ARB2A: variants seen among roughly 807,000 people sequenced by gnomAD.
The protein encoded by ARB2A is ARB2 cotranscriptional regulator A.
the ARB2A span, among the ~76,000 whole-genome samples, chr5:94,053,458 T>G: frequency 3.9e-5 from 6 of 152,160 alleles, no homozygotes; most frequent in Admixed American, 3.9e-4. Context: ...TCAGATTCTA[T>G]ACACCATTAT....
At chr5:93,811,296 C>G in the ARB2A span, among the ~76,000 whole-genome samples, 1 of 152,116 alleles carries the variant, frequency 6.6e-6, no homozygotes. Context: ...ATTTCCAGAG[C>G]ACCACATCAA....
At chr5:93,826,014 G>A in the ARB2A span, among the ~76,000 whole-genome samples, 1 of 151,704 alleles carries the variant, frequency 6.6e-6, no homozygotes, top group South Asian at 2.1e-4. Flanking sequence ...ATAAACCTAG[G>A]CCTTTTACAT....
the ARB2A span, among the ~76,000 whole-genome samples, chr5:94,009,725 T>C: frequency 6.6e-6 from 1 of 151,958 alleles, no homozygotes; most frequent in Non-Finnish European, 1.5e-5. Flanking sequence ...TATAACGTTA[T>C]TTGGGTTATC....
the ARB2A span, among the ~76,000 whole-genome samples, chr5:93,907,015 T>C: frequency 6.6e-6 from 1 of 151,490 alleles, no homozygotes; most frequent in Non-Finnish European, 1.5e-5. Context: ...GTATTTTATA[T>C]AGATATATGA....
chr5:93,898,085 C>A, the ARB2A span, among the ~76,000 whole-genome samples: 1 of 151,990 alleles, frequency 6.6e-6, no homozygotes, highest in African/African-American at 2.4e-5. Flanking sequence ...AAGATGAACA[C>A]CCATCTCCTA....
chr5:93,661,602 A>G, the ARB2A span, among the ~76,000 whole-genome samples: 5 of 152,070 alleles, frequency 3.3e-5, no homozygotes, highest in African/African-American at 1.2e-4. Context: ...GGAAGAAGAA[A>G]AATTGTCTTG....
At chr5:93,902,051 A>G in the ARB2A span, among the ~76,000 whole-genome samples, 1 of 152,158 alleles carries the variant, frequency 6.6e-6, no homozygotes, top group Non-Finnish European at 1.5e-5. Context: ...GGCAATCTGC[A>G]GAACTTCAAG....
the ARB2A span, among the ~76,000 whole-genome samples, chr5:93,638,278 T>C: frequency 6.6e-6 from 1 of 152,146 alleles, no homozygotes. Context: ...AAACTTACAG[T>C]TGATGTTAGA....
chr5:93,949,709 C>T, the ARB2A span, among the ~76,000 whole-genome samples: 1 of 152,032 alleles, frequency 6.6e-6, no homozygotes, highest in Admixed American at 6.5e-5. Flanking sequence ...ACTGCAATCA[C>T]TCTACTGTGC....
the ARB2A span, among the ~76,000 whole-genome samples, chr5:93,960,683 G>A: frequency 5.3e-5 from 8 of 152,194 alleles, no homozygotes; most frequent in South Asian, 1.7e-3. Flanking sequence ...CTCTAAAATG[G>A]TTATAATACT....
chr5:93,631,326 A>G, the ARB2A span, among the ~76,000 whole-genome samples: 1 of 152,194 alleles, frequency 6.6e-6, no homozygotes, highest in Non-Finnish European at 1.5e-5. Flanking sequence ...CCTATAAAAT[A>G]TAGACAGCTG....
the ARB2A span, among the ~76,000 whole-genome samples, chr5:93,925,179 A>G: frequency 1.1e-3 from 164 of 152,328 alleles, no homozygotes; most frequent in Non-Finnish European, 1.9e-3. Context: ...ATTGGTTATA[A>G]GAATGATGAC....
At chr5:93,629,420 G>T in the ARB2A span, among the ~76,000 whole-genome samples, 2 of 152,050 alleles carry the variant, frequency 1.3e-5, no homozygotes, top group African/African-American at 2.4e-5. Flanking sequence ...TGAAAGGGCG[G>T]TAACAGGCTT....
chr5:93,979,422 A>T, the ARB2A span, among the ~76,000 whole-genome samples: 1 of 152,112 alleles, frequency 6.6e-6, no homozygotes, highest in Admixed American at 6.6e-5. Flanking sequence ...GGCAGGTGAA[A>T]CCTATATATT....
At chr5:93,958,467 T>C in the ARB2A span, among the ~76,000 whole-genome samples, 16 of 152,068 alleles carry the variant, frequency 1.1e-4, no homozygotes, top group Non-Finnish European at 2.2e-4. Flanking sequence ...AGTTTGATAA[T>C]TGATATTTCA....
chr5:93,632,292 G>A, the ARB2A span, among the ~76,000 whole-genome samples: 1 of 152,212 alleles, frequency 6.6e-6, no homozygotes, highest in South Asian at 2.1e-4. Context: ...TTTGACTTGA[G>A]ACCTGAGTGG....
the ARB2A span, among the ~76,000 whole-genome samples, chr5:94,097,691 G>A: frequency 1.3e-5 from 2 of 151,850 alleles, no homozygotes; most frequent in Non-Finnish European, 2.9e-5. Context: ...TTAGTAAATT[G>A]CCCAGTCTCA....
the ARB2A span, among the ~76,000 whole-genome samples, chr5:93,634,750 A>G: frequency 3.9e-5 from 6 of 152,226 alleles, no homozygotes; most frequent in East Asian, 1.9e-4. Flanking sequence ...TATCAAATAT[A>G]AAACTGAGAC....
chr5:94,030,079 A>G, the ARB2A span, among the ~76,000 whole-genome samples: 5 of 152,194 alleles, frequency 3.3e-5, no homozygotes, highest in Non-Finnish European at 5.9e-5. Context: ...ACTTGCCCTC[A>G]TGATTCATTT....
Sources: allele counts gnomAD v4.1 joint callset (sites outside exome capture counted in the v4.1 genomes callset), GRCh38; gene constraint gnomAD v4.1.1; transcripts MANE v1.5; gene names NCBI Gene and HGNC (gene_info 2026-07-23, HGNC 2026-07-21).